LRIG1: variants seen among roughly 807,000 people sequenced by gnomAD.
The protein encoded by LRIG1 is leucine-rich repeats and immunoglobulin-like domains protein 1.
Under a neutral mutation model 99.2 loss-of-function variants are expected in LRIG1, and 48 were observed. The ratio of observed to expected loss-of-function variants is 0.48; its 90% confidence interval spans 0.38 to 0.62. LRIG1 has a LOEUF of 0.62. Among genes scored for constraint, LRIG1 ranks in the 20% least tolerant of loss-of-function variants. The probability of loss-of-function intolerance (pLI) is 0.00; values close to 1 mark genes in which losing one functional copy is unlikely to be tolerated. For synonymous variants in LRIG1, 772 were observed against 596.1 expected (o/e 1.29, Z -4.30); for missense variants, 1,646 against 1,434.4 (o/e 1.15, Z -2.38).
At chr3:66,494,765 A>C (rs983500508) in intron 1 of LRIG1, among the ~76,000 whole-genome samples, 2 of 152,260 alleles carry the variant, frequency 1.3e-5, no homozygotes, top group Admixed American at 1.3e-4. Flanking sequence ...CCGACTTTCA[A>C]CTAGAAATTA....
At position 66,380,225 on chromosome 3, in the gene LRIG1, G is replaced by A. The variant is rs758963802; in HGVS notation, c.*38C>T. The A allele has an allele frequency of 1.4e-5, 22 of 1,547,070 alleles. No homozygotes were observed. Among genetic ancestry groups the A allele is most frequent in the East Asian group, 4.5e-5 (2 of 44,418 alleles). ...GCAGCCTCTCCTACCTCTCTTTCCC[G>A]TAGAGATTGGTATGACAAGAACTGA... On this transcript the variant is annotated 3_prime_UTR_variant, in exon 19 of 19. Transcript: ENST00000273261.
Position 66,381,501 on chromosome 3 carries a change from C to T in LRIG1, c.2748G>A (p.Gly916=). 1.9e-6 allele frequency: 3 copies of T among 1,613,860 alleles called. No homozygotes were observed. The highest frequency in any genetic ancestry group is 2.5e-6 in the Non-Finnish European group (3 of 1,179,760). ...TACCCATCTTATGTGGCCCAGGTGT[C>T]CCTTCAGCTTTCTCCATCGCTTTCC... ...EPWKAMEKAE[G]TPGPHKMEHG... Residue 916 remains glycine (G), a synonymous_variant, in exon 17 of 19, where the codon GGG becomes GGA. Coordinates refer to ENST00000273261, the MANE Select transcript of LRIG1 (RefSeq NM_015541.3).
intron 13 of LRIG1, among the ~76,000 whole-genome samples, 158 bp from the exon 14 acceptor site, chr3:66,384,430 A>G (rs976143052): frequency 6.6e-6 from 1 of 152,076 alleles, no homozygotes; most frequent in South Asian, 2.1e-4. Context: ...GTGAATCAGG[A>G]ACCCCCAGCT....
At position 66,500,370 on chromosome 3, in the gene LRIG1, C is replaced by A; in HGVS notation, c.38G>T (p.Arg13Leu). ...GAGAAGGAGAAGGCAAGGCGAGCGG[C>A]GCGGGGCCCCGAGCCCTCCCCGGAC... ...RPVRGGLGAP[R>L]RSPCLLLLWL... The change falls in exon 1 of 19, where the codon CGC (arginine) becomes CTC (leucine). Residue 13 changes from arginine (R) to leucine (L), a missense_variant. Coordinates refer to ENST00000273261, the MANE Select transcript of LRIG1 (RefSeq NM_015541.3). The A allele has an allele frequency of 6.8e-7, 1 of 1,479,244 alleles. No homozygotes were observed. Among genetic ancestry groups the A allele is most frequent in the Non-Finnish European group, 8.9e-7 (1 of 1,120,758 alleles). The allele number at this position is 1,479,244 out of a possible 1,614,324, so 91.6% of individuals were successfully genotyped here. A position where few individuals can be genotyped will look rare whatever the true frequency, so the allele number is the denominator to read the frequency against.
intron 1 of LRIG1, among the ~76,000 whole-genome samples, chr3:66,487,372 T>G (rs1414872408): frequency 3.3e-5 from 5 of 152,032 alleles, no homozygotes; most frequent in Admixed American, 3.3e-4. Context: ...TCCTATGAAG[T>G]CCTCCACACA....
At chr3:66,481,852 C>T (rs1325264491) in intron 1 of LRIG1, among the ~76,000 whole-genome samples, 1 of 152,252 alleles carries the variant, frequency 6.6e-6, no homozygotes, top group Admixed American at 6.5e-5. Flanking sequence ...AACTCACTTT[C>T]GAGACCATGT....
At chr3:66,428,557 C>A (rs1010907318) in intron 3 of LRIG1, among the ~76,000 whole-genome samples, 3 of 152,176 alleles carry the variant, frequency 2.0e-5, no homozygotes, top group African/African-American at 4.8e-5. Flanking sequence ...CGATAATGCA[C>A]TTGTGCCAGG....
chr3:66,381,556 C>T lies in LRIG1; in HGVS notation c.2693G>A (p.Cys898Tyr). 1 of 1,614,156 alleles carries T rather than the reference C, an allele frequency of 6.2e-7. No individual in the cohort carries two copies. Among genetic ancestry groups the T allele is most frequent in the Non-Finnish European group, 8.5e-7 (1 of 1,180,006 alleles). Residue 898 changes from cysteine to tyrosine, a missense_variant, in exon 17 of 19, where the codon TGT becomes TAT. Physicochemically the swap from Cys to Tyr is radical, Grantham distance 194 (BLOSUM62 -2). Coordinates refer to ENST00000273261, the MANE Select transcript of LRIG1 (RefSeq NM_015541.3). ...CTCTTTGTGATACGCAGACCCAGCA[C>T]AGAGCTTTGGCTGCCTGCAGGCAAC... ...HSVACRQPKL[C>Y]AGSAYHKEPW...
chr3:66,393,974 T>C, intron 12 of LRIG1, 66 bp downstream of exon 12: 1 of 1,536,246 alleles, frequency 6.5e-7, no homozygotes, highest in Non-Finnish European at 8.9e-7. Flanking sequence ...ACTCCCATAA[T>C]GAAGAGTACC....
chr3:66,452,713 G>T (rs1425560670), intron 2 of LRIG1, among the ~76,000 whole-genome samples: 5 of 151,976 alleles, frequency 3.3e-5, no homozygotes, highest in Non-Finnish European at 7.4e-5. Context: ...GAATAATCTG[G>T]TTGTCTGCCA....
At position 66,491,980 on chromosome 3, in the gene LRIG1, T is replaced by C. The variant is rs143313254; in HGVS notation, c.218+8210A>G. On this transcript the variant is annotated intron_variant, in intron 1 of 18. Transcript: ENST00000273261. ...CAACTGTTCCCTTAATTCAAAATTT[T>C]TTCTAAAAGCTATGTATTTCAGATC... Among the ~76,000 whole-genome samples, 769 of 152,352 alleles carry C rather than the reference T, an allele frequency of 5.0e-3. 3 individuals are homozygous for C. Among genetic ancestry groups the C allele is most frequent in the African/African-American group, 0.017 (717 of 41,574 alleles).
At chr3:66,486,768 C>G (rs1190949532) in intron 1 of LRIG1, among the ~76,000 whole-genome samples, 1 of 152,178 alleles carries the variant, frequency 6.6e-6, no homozygotes, top group Non-Finnish European at 1.5e-5. Context: ...CACCTCAATG[C>G]TAGTATTTTA....
intron 3 of LRIG1, among the ~76,000 whole-genome samples, chr3:66,439,446 C>CAA (rs1703469012): frequency 6.6e-6 from 1 of 152,166 alleles, no homozygotes; most frequent in Non-Finnish European, 1.5e-5. Flanking sequence ...ATTCCAAACA[C>CAA]AACCTTCACA....
chr3:66,487,503 G>A (rs1317325903), intron 1 of LRIG1, among the ~76,000 whole-genome samples: 2 of 152,108 alleles, frequency 1.3e-5, no homozygotes, highest in African/African-American at 4.8e-5. Context: ...AAGTGGTAAG[G>A]CAATAAACAA....
At chr3:66,488,836 T>G (rs1701034950) in intron 1 of LRIG1, among the ~76,000 whole-genome samples, 1 of 152,224 alleles carries the variant, frequency 6.6e-6, no homozygotes, top group Non-Finnish European at 1.5e-5. Context: ...TAAAGGCAGT[T>G]TCTCAGCATC....
At chr3:66,422,218 A>C (rs1702842105) in intron 3 of LRIG1, among the ~76,000 whole-genome samples, 1 of 152,214 alleles carries the variant, frequency 6.6e-6, no homozygotes, top group African/African-American at 2.4e-5. Flanking sequence ...GCTCCTCATT[A>C]CTTATGCAAA....
chr3:66,393,859 A>G (rs577835866), intron 12 of LRIG1, among the ~76,000 whole-genome samples, 181 bp downstream of exon 12: 1 of 152,346 alleles, frequency 6.6e-6, no homozygotes, highest in East Asian at 1.9e-4. Flanking sequence ...CCACATAATG[A>G]GGCAACTCTA....
At chr3:66,476,804 A>G (rs558594724) in intron 1 of LRIG1, among the ~76,000 whole-genome samples, 19 of 152,188 alleles carry the variant, frequency 1.2e-4, no homozygotes, top group Non-Finnish European at 2.5e-4. Context: ...ATTCTTCCCA[A>G]CTACACTGGT....
At chr3:66,457,822 A>G (rs1407875594) in intron 2 of LRIG1, among the ~76,000 whole-genome samples, 1 of 152,094 alleles carries the variant, frequency 6.6e-6, no homozygotes, top group Non-Finnish European at 1.5e-5. Context: ...CATCCCCCAC[A>G]CTCAGACGGT....
Sources: gnomAD v4.1 joint callset for allele counts (sites outside exome capture counted in the v4.1 genomes callset) on GRCh38, gnomAD v4.1.1 for gene constraint, MANE v1.5 for transcripts, NCBI Gene and HGNC (gene_info 2026-07-23, HGNC 2026-07-21) for gene names.